The following KLHL36 variants were observed in gnomAD, a reference collection of about 807,000 sequenced individuals.
KLHL36 encodes kelch like family member 36.
In KLHL36, 35 loss-of-function variants were observed where a neutral mutation model predicts 53.3. The observed-to-expected ratio is 0.66, with a 90% CI of 0.50 to 0.87. KLHL36 has a LOEUF of 0.87. KLHL36 is among the 40% of genes least tolerant of loss of function. KLHL36 has a pLI of 0.00. For synonymous variants in KLHL36, 472 were observed against 398.9 expected, an observed-to-expected ratio of 1.18 and a Z score of -2.18; for missense variants, 864 against 897.6, an observed-to-expected ratio of 0.96 and a Z score of 0.48.
intron 2 of KLHL36, among the ~76,000 whole-genome samples, chr16:84,655,439 T>C (rs1907143277): frequency 6.6e-6 from 1 of 152,098 alleles, no homozygotes; most frequent in African/African-American, 2.4e-5. Flanking sequence ...CAGACAGGCG[T>C]GGTAGCGTGT....
At chr16:84,659,636 G>A in intron 3 of KLHL36, 124 bp from the exon 4 acceptor site, 1 of 1,028,330 alleles carries the variant, frequency 9.7e-7, no homozygotes, top group Non-Finnish European at 1.4e-6. Flanking sequence ...TTCAGGTGCA[G>A]TTCCCTTTCC....
Position 84,661,386 on chromosome 16 carries a change from C to T in KLHL36, c.1296-192C>T, listed in dbSNP as rs952255610. 1.3e-5 allele frequency among the ~76,000 whole-genome samples: 2 copies of T among 152,158 alleles called. No individual in the cohort carries two copies. The highest frequency in any genetic ancestry group is 4.8e-5 in the African/African-American group (2 of 41,418). Reference sequence around the variant, plus strand: ...CAGGCGGCCTGACTGCAAAGCTGTCCACTTCCCCGCCCTGCCCTGCCATTT... The same window carrying T: ...CAGGCGGCCTGACTGCAAAGCTGTCTACTTCCCCGCCCTGCCCTGCCATTT... On this transcript the variant is annotated intron_variant, in intron 4 of 4. Transcript: ENST00000564996. The surrounding 1 kb of genome is among the most constrained non-coding windows in gnomAD (Gnocchi z 7.9).
At chr16:84,655,703 C>CA (rs568975346) in intron 2 of KLHL36, among the ~76,000 whole-genome samples, 2,015 of 93,282 alleles carry the variant, frequency 0.022, 61 homozygotes, top group African/African-American at 0.07. Flanking sequence ...GACCCTGTCT[C>CA]AAAAAAAAAA....
chr16:84,655,206 G>A (rs1016138256), intron 2 of KLHL36, among the ~76,000 whole-genome samples: 4 of 152,198 alleles, frequency 2.6e-5, no homozygotes, highest in Non-Finnish European at 5.9e-5. Context: ...GCCTGCTCCT[G>A]TAGCATGGAC....
rs1025055086 is a variant in KLHL36, at chr16:84,664,762, T to G, written c.*2629T>G. 4 of 152,216 alleles carry G rather than the reference T, an allele frequency of 2.6e-5. No homozygotes were observed. The highest frequency in any genetic ancestry group is 9.6e-5 in the African/African-American group (4 of 41,462). The allele number at this position is 152,216 out of a possible 1,614,324, so 9.4% of individuals were successfully genotyped here. Reference sequence around the variant, plus strand: ...GGTGCCCGGGCCAGGTTTTTGTTACTTGTCTTTTTAAGTTGAAAATTCACC... The same window carrying G: ...GGTGCCCGGGCCAGGTTTTTGTTACGTGTCTTTTTAAGTTGAAAATTCACC... On this transcript the variant is annotated 3_prime_UTR_variant, in exon 5 of 5. Coordinates refer to ENST00000564996, the MANE Select transcript of KLHL36 (RefSeq NM_024731.4).
intron 3 of KLHL36, chr16:84,659,497 T>G: frequency 2.4e-6 from 1 of 420,100 alleles, no homozygotes; most frequent in Non-Finnish European, 4.3e-6. Context: ...ACCAGAGAAG[T>G]TCGGGGGTTC....
At position 84,667,309 on chromosome 16, in the gene KLHL36, C is replaced by G. The variant is rs1300917225; in HGVS notation, c.*5176C>G. On this transcript the variant is annotated 3_prime_UTR_variant, in exon 5 of 5. Transcript: ENST00000564996. Reference sequence around the variant, plus strand: ...AAATCATCAACCACTAGCCCCCTTTCAAAATCAGCGAGATATTTGATGATT... The same window carrying G: ...AAATCATCAACCACTAGCCCCCTTTGAAAATCAGCGAGATATTTGATGATT... 1 of 152,310 alleles carries G rather than the reference C, an allele frequency of 6.6e-6. No homozygotes were observed. The highest frequency in any genetic ancestry group is 2.4e-5 in the African/African-American group (1 of 41,570). 9.4% of individuals were successfully genotyped at this position (152,310 alleles called of 1,614,324 possible).
At position 84,665,337 on chromosome 16, in the gene KLHL36, C is replaced by G. The variant is rs761242274; in HGVS notation, c.*3204C>G. The G allele has an allele frequency of 6.6e-6, 1 of 151,166 alleles. No individual in the cohort carries two copies. The highest frequency in any genetic ancestry group is 1.5e-5 in the Non-Finnish European group (1 of 67,898). 9.4% of individuals were successfully genotyped at this position (151,166 alleles called of 1,614,324 possible). A position where few individuals can be genotyped will look rare whatever the true frequency, so the allele number is the denominator to read the frequency against. The stretch of plus-strand genomic sequence containing the variant: ...CATTTCTAAAGAATTAGAGTTGTAA[C>G]TTCATATTAGTTGTAAGTTTGGGGT... On this transcript the variant is annotated 3_prime_UTR_variant, in exon 5 of 5. Transcript: ENST00000564996.
Position 84,664,415 on chromosome 16 carries a change from C to T in KLHL36, c.*2282C>T, listed in dbSNP as rs1201381447. On this transcript the variant is annotated 3_prime_UTR_variant, in exon 5 of 5. Transcript: ENST00000564996. ...CATTGGTTTTCAGCCTAAGCCAGCT[C>T]TTTTATGTTTTGCTTCTGGGACTTG... 6.6e-6 allele frequency: 1 copy of T among 152,168 alleles called. No homozygotes were observed. Among genetic ancestry groups the T allele is most frequent in the African/African-American group, 2.4e-5 (1 of 41,432 alleles). The allele number at this position is 152,168 out of a possible 1,614,324, so 9.4% of individuals were successfully genotyped here.
chr16:84,661,763 G>A lies in KLHL36; in HGVS notation c.1481G>A (p.Ser494Asn), dbSNP rs1420936257. The A allele has an allele frequency of 6.2e-7, 1 of 1,613,278 alleles. No individual in the cohort carries two copies. Among genetic ancestry groups the A allele is most frequent in the African/African-American group, 1.3e-5 (1 of 74,924 alleles). ...CACAGCATGTGCAGCCTGGGTGACA[G>A]CATCTACTCCATCGGGGGCAGCGAT... Reference protein sequence around the residue: ...GWHSMCSLGDSIYSIGGSDDN... With the variant: ...GWHSMCSLGDNIYSIGGSDDN... The change falls in exon 5 of 5, where the codon AGC (serine) becomes AAC (asparagine). Residue 494 changes from serine (S) to asparagine (N), a missense_variant. Coordinates refer to ENST00000564996, the MANE Select transcript of KLHL36 (RefSeq NM_024731.4). This position sits in a 1 kb window ranked among gnomAD's most constrained non-coding sequence, Gnocchi z 7.9.
intron 3 of KLHL36, chr16:84,659,126 T>G (rs1460411582): frequency 6.6e-6 from 1 of 152,214 alleles, no homozygotes; most frequent in East Asian, 1.9e-4. Context: ...CTCAACCTAC[T>G]GAGTAGCTGG....
rs761527507 is a variant in KLHL36 at position 84,667,059 on chromosome 16, CAAAAAAAA to C, written c.*4937_*4944del. 2 of 45,098 alleles carry C rather than the reference CAAAAAAAA, an allele frequency of 4.4e-5. No homozygotes were observed. The highest frequency in any genetic ancestry group is 4.3e-4 in the Admixed American group (2 of 4,612). 2.8% of individuals were successfully genotyped at this position (45,098 alleles called of 1,614,324 possible). On this transcript the variant is annotated 3_prime_UTR_variant, in exon 5 of 5. Coordinates refer to ENST00000564996, the MANE Select transcript of KLHL36 (RefSeq NM_024731.4). ...CCTGGGTGACCGAGTAAGACTGTCT[CAAAAAAAA>C]AAAAAAAAAAGAAAAGAAATTGTCC... is the stretch of plus-strand genomic sequence containing the variant.
chr16:84,652,946 A>G (rs1337879983), intron 2 of KLHL36, among the ~76,000 whole-genome samples: 10 of 151,974 alleles, frequency 6.6e-5, no homozygotes, highest in African/African-American at 2.2e-4. Flanking sequence ...AGCCAGGCAC[A>G]GTGGCTCACG....
chr16:84,657,921 C>G lies in KLHL36; in HGVS notation c.1114C>G (p.Pro372Ala), dbSNP rs1258650930. Residue 372 changes from proline (P) to alanine (A), a missense_variant, in exon 3 of 5, where the codon CCC becomes GCC. Physicochemically the swap from Pro to Ala is conservative, Grantham distance 27. Coordinates refer to ENST00000564996, the MANE Select transcript of KLHL36 (RefSeq NM_024731.4). ...CTCCAATCTTCTTTATAGGTATGAC[C>G]CCCGCTGTAAACAGTGGATCAAGGT... is the stretch of plus-strand genomic sequence containing the variant. ...AASNLLYRYD[P>A]RCKQWIKVAS... 3 of 1,528,192 alleles carry G rather than the reference C, an allele frequency of 2.0e-6. No homozygotes were observed. Among genetic ancestry groups the G allele is most frequent in the South Asian group, 1.3e-5 (1 of 77,616 alleles). The allele number at this position is 1,528,192 out of a possible 1,614,324, so 94.7% of individuals were successfully genotyped here.
In KLHL36 at chr16:84,662,118, G is replaced by A. The variant is rs1354066649; in HGVS notation, c.1836G>A (p.Gln612=). The A allele has an allele frequency of 3.2e-6, 5 of 1,547,268 alleles. No homozygotes were observed. In the African/African-American group the frequency reaches 6.7e-5, roughly 21 times the overall value. The change falls in exon 5 of 5, where the codon CAG becomes CAA. Residue 612 remains glutamine (Q), a synonymous_variant. Transcript: ENST00000564996. ...AGAAAGGCAAAGGCAAGAGGCACCA[G>A]GACCGGGGCCAGTGACCCTAGCTGC... ...KKKKGKGKRH[Q]DRGQ
intron 1 of KLHL36, among the ~76,000 whole-genome samples, chr16:84,649,880 C>G (rs2039717050): frequency 1.3e-5 from 2 of 152,204 alleles, no homozygotes; most frequent in African/African-American, 2.4e-5. Context: ...AAACCTTCGT[C>G]TCAGTATGTG....
intron 4 of KLHL36, among the ~76,000 whole-genome samples, 180 bp downstream of exon 4, chr16:84,660,097 C>T (rs1404057994): frequency 1.3e-5 from 2 of 152,120 alleles, no homozygotes; most frequent in Non-Finnish European, 2.9e-5. Context: ...ACAGTCCGGG[C>T]TCCGGTTTCA....
chr16:84,651,724 G>A (rs996653748), intron 2 of KLHL36, among the ~76,000 whole-genome samples: 4 of 152,130 alleles, frequency 2.6e-5, no homozygotes, highest in African/African-American at 4.8e-5. Context: ...ATTGGTTCTC[G>A]GGAGGGTGGA....
Position 84,664,258 on chromosome 16 carries a change from A to G in KLHL36, c.*2125A>G, listed in dbSNP as rs775841060. 9.2e-5 allele frequency: 14 copies of G among 152,088 alleles called. No homozygotes were observed. The highest frequency in any genetic ancestry group is 1.8e-4 in the Non-Finnish European group (12 of 68,024). 9.4% of individuals were successfully genotyped at this position (152,088 alleles called of 1,614,324 possible). ...AGGGTGTACGTGGGCTGTTCTCCCCATCTCAGCCTGGGTCATGAACAAACG... is the reference window on the plus strand; with the variant it reads ...AGGGTGTACGTGGGCTGTTCTCCCCGTCTCAGCCTGGGTCATGAACAAACG... On this transcript the variant is annotated 3_prime_UTR_variant, in exon 5 of 5. Coordinates refer to ENST00000564996, the MANE Select transcript of KLHL36 (RefSeq NM_024731.4).
Sources: allele counts gnomAD v4.1 joint callset (sites outside exome capture counted in the v4.1 genomes callset), GRCh38; gene constraint gnomAD v4.1.1; non-coding constraint Gnocchi (gnomAD v3.1); transcripts MANE v1.5; gene names NCBI Gene and HGNC (gene_info 2026-07-23, HGNC 2026-07-21).